EDIL3: variants seen among roughly 807,000 people sequenced by gnomAD.
EDIL3 encodes the protein EGF like and discoidin domains 3, also known as EGF-like repeat and discoidin I-like domain-containing protein 3.
EDIL3 carries 37 observed loss-of-function variants against 67.4 expected under a neutral mutation model. The observed-to-expected ratio is 0.55, with a 90% CI of 0.42 to 0.72. The LOEUF (loss-of-function observed/expected upper bound fraction) is 0.72. EDIL3 is among the 30% of genes least tolerant of loss of function. The probability of loss-of-function intolerance (pLI) is 0.00; values close to 1 mark genes in which losing one functional copy is unlikely to be tolerated. For missense variants in EDIL3, 527 were observed against 586.3 expected (o/e 0.90, Z 1.04); for synonymous variants, 195 against 196.3 (o/e 0.99, Z 0.05).
chr5:84,307,879 T>A (rs1474753801), intron 1 of EDIL3, among the ~76,000 whole-genome samples: 1 of 152,106 alleles, frequency 6.6e-6, no homozygotes, highest in African/African-American at 2.4e-5. Context: ...AAATTTGGGT[T>A]TGAAAATAGT....
chr5:84,295,216 A>G (rs1010969596), intron 1 of EDIL3, among the ~76,000 whole-genome samples: 1 of 152,142 alleles, frequency 6.6e-6, no homozygotes, highest in Non-Finnish European at 1.5e-5. Flanking sequence ...ACTTTTAAAA[A>G]TAATAATTCT....
intron 9 of EDIL3, among the ~76,000 whole-genome samples, chr5:84,045,467 T>C (rs1157878375): frequency 6.6e-6 from 1 of 152,082 alleles, no homozygotes; most frequent in Non-Finnish European, 1.5e-5. Flanking sequence ...AGTTCAGAAG[T>C]CAAAACTTTG....
chr5:84,118,351 C>A (rs1393757402), intron 5 of EDIL3, among the ~76,000 whole-genome samples: 1 of 152,024 alleles, frequency 6.6e-6, no homozygotes, highest in East Asian at 1.9e-4. Flanking sequence ...AAAATAGAAT[C>A]ACTCAGTTTA....
rs1223444706 is a variant in EDIL3 at position 83,940,611 on chromosome 5, GTT to G, written c.*2806_*2807del. 1 of 151,810 alleles carries G rather than the reference GTT, an allele frequency of 6.6e-6. No homozygotes were observed. Among genetic ancestry groups the G allele is most frequent in the Non-Finnish European group, 1.5e-5 (1 of 67,880 alleles). The allele number at this position is 151,810 out of a possible 1,614,324, so 9.4% of individuals were successfully genotyped here. Reference sequence around the variant, plus strand: ...TCAAAAGAATCCCAGCTTTTCAAAAGTTTATTTTAAGTTTGGAGACTAGACAA... The same window carrying G: ...TCAAAAGAATCCCAGCTTTTCAAAAGTATTTTAAGTTTGGAGACTAGACAA... On this transcript the variant is annotated 3_prime_UTR_variant, in exon 11 of 11. Transcript: ENST00000296591.
At chr5:84,175,229 G>A (rs1748882171) in intron 4 of EDIL3, among the ~76,000 whole-genome samples, 1 of 151,734 alleles carries the variant, frequency 6.6e-6, no homozygotes, top group Admixed American at 6.6e-5. Flanking sequence ...GCTAAAAGAA[G>A]CCATCAAGTT....
rs1747015282 is a variant in EDIL3 at position 84,083,535 on chromosome 5, G to C, written c.652-16929C>G. On this transcript the variant is annotated intron_variant, in intron 6 of 10. Transcript: ENST00000296591. ...GACTCTAGCCAAGAGCAAGATGTTTGTCTTCTGAAAACCAGGCTTGTAACC... is the reference window on the plus strand; with the variant it reads ...GACTCTAGCCAAGAGCAAGATGTTTCTCTTCTGAAAACCAGGCTTGTAACC... Among the ~76,000 whole-genome samples, 3 of 151,984 alleles carry C rather than the reference G, an allele frequency of 2.0e-5. No individual in the cohort carries two copies. In the South Asian group the frequency reaches 6.2e-4, roughly 31 times the overall value.
intron 10 of EDIL3, 134 bp from the exon 11 acceptor site, chr5:83,943,702 TGCA>T: frequency 1.1e-6 from 1 of 938,840 alleles, no homozygotes. Flanking sequence ...CAAAATATAT[TGCA>T]GCTTCTTTTT....
intron 9 of EDIL3, among the ~76,000 whole-genome samples, chr5:84,021,637 A>G (rs913693325): frequency 1.3e-5 from 2 of 151,990 alleles, no homozygotes; most frequent in Non-Finnish European, 2.9e-5. Flanking sequence ...TCTATCAAGA[A>G]TGTTCTATGC....
At chr5:83,943,711 T>A (rs942681489) in intron 10 of EDIL3, 143 bp from the exon 11 acceptor site, 1 of 876,474 alleles carries the variant, frequency 1.1e-6, no homozygotes, top group Non-Finnish European at 1.6e-6. Flanking sequence ...TTGCAGCTTC[T>A]TTTTAATAAT....
At chr5:84,375,213 G>A (rs780179970) in intron 1 of EDIL3, among the ~76,000 whole-genome samples, 9 of 151,970 alleles carry the variant, frequency 5.9e-5, no homozygotes, top group African/African-American at 1.2e-4. Context: ...CTCGTGACCC[G>A]CCCACTTCAG....
rs1747472630 is a variant in EDIL3, at chr5:84,106,794, A to G, written c.506T>C (p.Ile169Thr). Residue 169 changes from isoleucine to threonine, a missense_variant, in exon 6 of 11, where the codon ATA (isoleucine) becomes ACA (threonine). Around this residue, in one of 2 missense-constraint regions of EDIL3, gnomAD observed 494 missense variants for 522.5 expected, o/e 0.95. Coordinates refer to ENST00000296591, the MANE Select transcript of EDIL3 (RefSeq NM_005711.5). ...GGAAGCTGTGATTTGCTGGTTTGAT[A>G]TAATTCCACCTTCAATTCCCAGTGG... ...SGPLGIEGGI[I>T]SNQQITASST... 6.2e-7 allele frequency: 1 copy of G among 1,610,444 alleles called. No individual in the cohort carries two copies. Among genetic ancestry groups the G allele is most frequent in the Non-Finnish European group, 8.5e-7 (1 of 1,178,766 alleles).
At chr5:83,998,846 C>A (rs774439928) in intron 9 of EDIL3, among the ~76,000 whole-genome samples, 2 of 152,260 alleles carry the variant, frequency 1.3e-5, no homozygotes, top group Non-Finnish European at 2.9e-5. Context: ...GAGTACTGTG[C>A]CAGCTTCAGG....
intron 6 of EDIL3, among the ~76,000 whole-genome samples, chr5:84,081,104 G>T (rs1305687437): frequency 6.6e-6 from 1 of 152,138 alleles, no homozygotes; most frequent in East Asian, 1.9e-4. Flanking sequence ...CATGTAACAG[G>T]AGCAATACAC....
intron 5 of EDIL3, among the ~76,000 whole-genome samples, chr5:84,125,700 A>G (rs900594653): frequency 3.3e-5 from 5 of 152,042 alleles, no homozygotes; most frequent in Admixed American, 1.3e-4. Context: ...CCATTACTTT[A>G]TACATAATCC....
At chr5:84,073,834 T>A (rs368692210) in intron 6 of EDIL3, among the ~76,000 whole-genome samples, 6 of 152,070 alleles carry the variant, frequency 3.9e-5, no homozygotes, top group Admixed American at 6.6e-5. Context: ...CCTCACAGAA[T>A]TGGAAAAAAC....
chr5:84,105,846 G>T (rs532161171), intron 6 of EDIL3, among the ~76,000 whole-genome samples: 1 of 152,128 alleles, frequency 6.6e-6, no homozygotes, highest in Non-Finnish European at 1.5e-5. Flanking sequence ...TAGCTCAAAA[G>T]CTATCTGCCC....
At chr5:84,282,169 C>T (rs1190065628) in intron 1 of EDIL3, among the ~76,000 whole-genome samples, 1 of 151,978 alleles carries the variant, frequency 6.6e-6, no homozygotes, top group Non-Finnish European at 1.5e-5. Context: ...CCGTGCCCGG[C>T]CTCATATTTT....
chr5:84,229,987 TA>T, intron 2 of EDIL3, 103 bp from the exon 3 acceptor site: 1 of 1,056,136 alleles, frequency 9.5e-7, no homozygotes, highest in African/African-American at 1.6e-5. Context: ...AGATTGAACA[TA>T]AATATATTTC....
intron 9 of EDIL3, among the ~76,000 whole-genome samples, chr5:84,015,196 A>G (rs1490244599): frequency 6.6e-6 from 1 of 152,198 alleles, no homozygotes; most frequent in Non-Finnish European, 1.5e-5. Flanking sequence ...ACTGTGATGC[A>G]ATGTGGGCTC....
Sources: gnomAD v4.1 joint callset for allele counts (sites outside exome capture counted in the v4.1 genomes callset) on GRCh38, gnomAD v4.1.1 for gene constraint, gnomAD v4.1.1 regional missense constraint, MANE v1.5 for transcripts, NCBI Gene and HGNC (gene_info 2026-07-23, HGNC 2026-07-21) for gene names.